The following ANXA8 variants were observed in gnomAD, a reference collection of about 807,000 sequenced individuals.
ANXA8 encodes VAC-beta.
A neutral mutation model predicts 26.8 loss-of-function variants in ANXA8; 9 were observed. The observed-to-expected ratio is 0.34, with a 90% CI of 0.20 to 0.59. The LOEUF is 0.59. Ranked by LOEUF, ANXA8 falls within the 20% of genes least tolerant of loss-of-function variation. The pLI is 0.84. For missense variants in ANXA8, 83 were observed against 238.5 expected (o/e 0.35, Z 4.29); for synonymous variants, 39 against 94.8 (o/e 0.41, Z 3.42).
chr10:47,617,673 A>C, the ANXA8 span, among the ~76,000 whole-genome samples: 1 of 148,672 alleles, frequency 6.7e-6, no homozygotes. Context: ...TTTGCCCAGC[A>C]AAAAACCCAT....
chr10:47,890,746 TTA>T, the ANXA8 span, among the ~76,000 whole-genome samples: 1 of 86,202 alleles, frequency 1.2e-5, no homozygotes, highest in East Asian at 3.4e-4. Context: ...TGGTATTCTG[TTA>T]TAGCAACACA....
chr10:47,989,806 A>T, the ANXA8 span, among the ~76,000 whole-genome samples: 2 of 89,856 alleles, frequency 2.2e-5, no homozygotes, highest in African/African-American at 6.8e-5. Context: ...GACACAGAGG[A>T]AAAGGCAACA....
the ANXA8 span, among the ~76,000 whole-genome samples, chr10:47,944,259 C>A: frequency 1.4e-5 from 2 of 146,822 alleles, no homozygotes; most frequent in Admixed American, 6.7e-5. Context: ...GACCTAATCA[C>A]CCCTGCACAA....
chr10:47,778,142 C>T, the ANXA8 span, among the ~76,000 whole-genome samples: 2 of 150,376 alleles, frequency 1.3e-5, no homozygotes, highest in Admixed American at 1.3e-4. Flanking sequence ...TGCTCGGGGC[C>T]AGAGTGTTTC....
At chr10:47,626,015 C>A in the ANXA8 span, among the ~76,000 whole-genome samples, 1 of 150,358 alleles carries the variant, frequency 6.7e-6, no homozygotes, top group Non-Finnish European at 1.5e-5. Context: ...CGTAAAGTCT[C>A]CCAGGTTCAT....
At chr10:47,708,817 CTT>C in the ANXA8 span, among the ~76,000 whole-genome samples, 52 of 150,686 alleles carry the variant, frequency 3.5e-4, no homozygotes, top group South Asian at 0.011. Context: ...ATGAGGTAGA[CTT>C]TTTTTGGAAT....
the ANXA8 span, among the ~76,000 whole-genome samples, chr10:47,621,833 C>T: frequency 4.8e-5 from 5 of 104,306 alleles, 1 homozygote; most frequent in Admixed American, 2.1e-4. Context: ...TTTACATGCA[C>T]GTGTTTAAAA....
the ANXA8 span, among the ~76,000 whole-genome samples, chr10:47,982,686 C>A: frequency 6.9e-6 from 1 of 145,728 alleles, no homozygotes; most frequent in African/African-American, 2.5e-5. Context: ...GCAGAAGTGA[C>A]CAAACAAAAA....
the ANXA8 span, among the ~76,000 whole-genome samples, chr10:47,896,870 G>C: frequency 6.6e-6 from 1 of 151,980 alleles, no homozygotes; most frequent in South Asian, 2.1e-4. Flanking sequence ...TTGAATACCA[G>C]CACCAAGGAA....
the ANXA8 span, chr10:47,502,244 G>A: frequency 6.3e-7 from 1 of 1,592,278 alleles, no homozygotes; most frequent in Non-Finnish European, 8.5e-7. Context: ...CAGGCCAGAT[G>A]GAGTGCCGTG....
At chr10:47,683,018 T>C in the ANXA8 span, among the ~76,000 whole-genome samples, 2 of 152,198 alleles carry the variant, frequency 1.3e-5, no homozygotes, top group African/African-American at 2.4e-5. Flanking sequence ...TTAAAAGTTA[T>C]GCAAAGAGAG....
At chr10:47,474,249 G>C in intron 8 of ANXA8, 56 bp downstream of exon 8, 2 of 1,579,584 alleles carry the variant, frequency 1.3e-6, no homozygotes, top group Non-Finnish European at 1.7e-6. Flanking sequence ...CGAGGGAGAG[G>C]CTCATGGCCA....
At chr10:47,473,864 C>T in intron 9 of ANXA8, 106 bp downstream of exon 9, 1 of 269,854 alleles carries the variant, frequency 3.7e-6, no homozygotes. Context: ...GTGAAGGTGA[C>T]ACAGGGATTC....
At chr10:47,718,016 A>AAT in the ANXA8 span, among the ~76,000 whole-genome samples, 1 of 147,818 alleles carries the variant, frequency 6.8e-6, no homozygotes, top group Non-Finnish European at 1.5e-5. Flanking sequence ...AAAAAAAAAA[A>AAT]AAAAGACTTT....
At chr10:47,716,264 TAA>T in the ANXA8 span, among the ~76,000 whole-genome samples, 4 of 114,122 alleles carry the variant, frequency 3.5e-5, no homozygotes, top group Admixed American at 3.6e-4. Context: ...TAAAAATGTA[TAA>T]GTCTATATAA....
the ANXA8 span, among the ~76,000 whole-genome samples, chr10:47,991,526 G>A: frequency 6.7e-5 from 10 of 149,044 alleles, no homozygotes; most frequent in Non-Finnish European, 1.3e-4. Context: ...GTTTCTTCTC[G>A]GCCCCTTCCC....
the ANXA8 span, among the ~76,000 whole-genome samples, chr10:47,674,581 C>T: frequency 1.3e-5 from 2 of 151,660 alleles, no homozygotes; most frequent in Middle Eastern, 3.4e-3. Context: ...ACATACTGTA[C>T]TCTTTGGAAG....
the ANXA8 span, among the ~76,000 whole-genome samples, chr10:47,943,608 C>A: frequency 6.6e-6 from 1 of 151,174 alleles, no homozygotes; most frequent in Non-Finnish European, 1.5e-5. Flanking sequence ...AGGCCTGCAG[C>A]ACAGCTATGA....
At chr10:47,574,177 G>A in the ANXA8 span, among the ~76,000 whole-genome samples, 1,317 of 49,260 alleles carry the variant, frequency 0.027, 271 homozygotes, top group African/African-American at 0.079. Flanking sequence ...GTGCACTGGC[G>A]CAATCTCAGC....
Sources: gnomAD v4.1 joint callset for allele counts (sites outside exome capture counted in the v4.1 genomes callset) on GRCh38, gnomAD v4.1.1 for gene constraint, MANE v1.5 for transcripts, NCBI Gene and HGNC (gene_info 2026-07-23, HGNC 2026-07-21) for gene names.